The following AARS1 variants were observed in gnomAD, a reference collection of about 807,000 sequenced individuals.
AARS1 encodes alanine--tRNA ligase, cytoplasmic.
Under a neutral mutation model 108.9 loss-of-function variants are expected in AARS1, and 72 were observed. That is an observed-to-expected ratio of 0.66 (90% confidence interval 0.55 to 0.80). The LOEUF (loss-of-function observed/expected upper bound fraction) is 0.80, where lower values mean the gene tolerates loss of function less well. Among genes scored for constraint, AARS1 ranks in the 30% least tolerant of loss-of-function variants. The probability of loss-of-function intolerance (pLI) is 0.00; values close to 1 mark genes in which losing one functional copy is unlikely to be tolerated. For synonymous variants in AARS1, 489 were observed against 465.7 expected, an observed-to-expected ratio of 1.05 and a Z score of -0.64; for missense variants, 1,193 against 1,233.2, an observed-to-expected ratio of 0.97 and a Z score of 0.49.
chr16:70,282,598 A>G (rs758454444), intron 2 of AARS1, 22 bp downstream of exon 2: 1 of 1,614,000 alleles, frequency 6.2e-7, no homozygotes, highest in Non-Finnish European at 8.5e-7. Context: ...CCAAAAGCCA[A>G]GAAAAAAGGA....
In AARS1 at chr16:70,259,007, A is replaced by C; in HGVS notation, c.1965T>G (p.Ile655Met). 1 of 1,614,226 alleles carries C rather than the reference A, an allele frequency of 6.2e-7. No homozygotes were observed. The highest frequency in any genetic ancestry group is 8.5e-7 in the Non-Finnish European group (1 of 1,180,040). The change falls in exon 14 of 21, where the codon ATT (isoleucine) becomes ATG (methionine). Residue 655 changes from isoleucine to methionine, a missense_variant. Transcript: ENST00000261772. ...STQQIKKAEEIANEMIEAAKA... is the reference protein window; with the variant it reads ...STQQIKKAEEMANEMIEAAKA... ...TGGCTGCCTCAATCATCTCATTAGC[A>C]ATCTCTTCAGCCTTCTTGATCTGTT...
Position 70,261,149 on chromosome 16 carries a change from CTCTGTTT to C in AARS1, c.1673_1679del (p.Lys558SerfsTer4). 3 of 1,612,692 alleles carry C rather than the reference CTCTGTTT, an allele frequency of 1.9e-6. No homozygotes were observed. Among genetic ancestry groups the C allele is most frequent in the Non-Finnish European group, 2.5e-6 (3 of 1,178,922 alleles). On this transcript the variant is annotated frameshift_variant and splice_region_variant, in exon 13 of 21. Coordinates refer to ENST00000261772, the MANE Select transcript of AARS1 (RefSeq NM_001605.3). LOFTEE classifies it high-confidence loss of function. ...GGACCTGAGCATTCTTCACTGTAAA[CTCTGTTT>C]TCTAAGAGGGGTCAAGGAAGAGACC... is the stretch of plus-strand genomic sequence containing the variant.
chr16:70,268,487 C>T, intron 7 of AARS1, 108 bp from the exon 8 acceptor site: 1 of 865,380 alleles, frequency 1.2e-6, no homozygotes, highest in Non-Finnish European at 1.9e-6. Context: ...TTCTTTTATC[C>T]TAAGCCTGCT....
intron 1 of AARS1, among the ~76,000 whole-genome samples, chr16:70,288,864 G>C (rs1018931330): frequency 6.6e-6 from 1 of 152,116 alleles, no homozygotes; most frequent in African/African-American, 2.4e-5. Flanking sequence ...TCCGCGCCTG[G>C]CCCTGGGCTA....
intron 1 of AARS1, among the ~76,000 whole-genome samples, chr16:70,288,100 T>TTC (rs1555543556): frequency 2.2e-5 from 1 of 46,436 alleles, no homozygotes; most frequent in African/African-American, 1.0e-4. Flanking sequence ...CCCTTCTTCT[T>TTC]TTTTTTTTTT....
At position 70,262,556 on chromosome 16, in the gene AARS1, G is replaced by T. The variant is rs369170237; in HGVS notation, c.1493-32C>A. ...AAGGGAAATGCATAGAAAGGGGACA[G>T]TGGGGTCAATGACCTTTTCACTCCT... On this transcript the variant is annotated intron_variant, in intron 11 of 20. Transcript: ENST00000261772. 3 of 1,589,494 alleles carry T rather than the reference G, an allele frequency of 1.9e-6. No homozygotes were observed. In the African/African-American group the frequency reaches 4.0e-5, roughly 21 times the overall value.
rs1316227824 is a variant in AARS1, at chr16:70,269,661, C to T, written c.919G>A (p.Val307Met). 2.5e-6 allele frequency: 4 copies of T among 1,614,194 alleles called. No individual in the cohort carries two copies. The highest frequency in any genetic ancestry group is 1.7e-5 in the Admixed American group (1 of 60,022). ...VLADHARTIT[V>M]ALADGGRPDN... ...GGCCGGCCACCATCAGCCAGTGCCA[C>T]AGTGATGGTCCGAGCGTGGTCAGCC... The change falls in exon 7 of 21, where the codon GTG (valine) becomes ATG (methionine). Residue 307 changes from valine to methionine, a missense_variant. By Grantham distance (21) the Val-to-Met change is conservative (BLOSUM62 1). Coordinates refer to ENST00000261772, the MANE Select transcript of AARS1 (RefSeq NM_001605.3).
chr16:70,273,863 CAAA>C (rs71385651), intron 4 of AARS1, among the ~76,000 whole-genome samples: 1 of 54,258 alleles, frequency 1.8e-5, no homozygotes, highest in Non-Finnish European at 3.1e-5. Flanking sequence ...ACTCCGTCTC[CAAA>C]AAAAAAAAAA....
chr16:70,263,610 G>A (rs989114941), intron 11 of AARS1, among the ~76,000 whole-genome samples: 9 of 151,734 alleles, frequency 5.9e-5, no homozygotes, highest in Non-Finnish European at 1.2e-4. Flanking sequence ...GGGCAAAAAA[G>A]CTGCAAAAAC....
intron 15 of AARS1, among the ~76,000 whole-genome samples, chr16:70,257,110 G>C (rs1426410809): frequency 6.6e-6 from 1 of 152,090 alleles, no homozygotes; most frequent in Non-Finnish European, 1.5e-5. Flanking sequence ...TTAGCTGGGC[G>C]TGGTGGTGTG....
chr16:70,265,253 CTG>C lies in AARS1; in HGVS notation c.1348-153_1348-152del. On this transcript the variant is annotated intron_variant, in intron 10 of 20. Coordinates refer to ENST00000261772, the MANE Select transcript of AARS1 (RefSeq NM_001605.3). ...CTGACATTTGGGGCCAGATCATTCT[CTG>C]TTGTGGAAACTTCTCTTGCAGTGTG... is the stretch of plus-strand genomic sequence containing the variant. The C allele has an allele frequency of 4.5e-6, 5 of 1,114,928 alleles. 1 individual carries two copies. The highest frequency in any genetic ancestry group is 3.9e-5 in the South Asian group (3 of 76,072). 69.1% of individuals were successfully genotyped at this position (1,114,928 alleles called of 1,614,324 possible).
chr16:70,258,215 G>A lies in AARS1; in HGVS notation c.1995C>T (p.Ala665=), dbSNP rs754212203. The A allele has an allele frequency of 2.0e-5, 32 of 1,588,116 alleles. No homozygotes were observed. The South Asian group carries it at 2.5e-4, about 12-fold the overall frequency. Residue 665 remains alanine, a splice_region_variant and synonymous_variant, in exon 15 of 21, where the codon GCC becomes GCT. Coordinates refer to ENST00000261772, the MANE Select transcript of AARS1 (RefSeq NM_001605.3). ...CCAGGGGGCAATCCTGGGTATAGAC[G>A]GCCTGCCAGACCAAGAAGACAGAAA... ...IANEMIEAAK[A]VYTQDCPLAA...
chr16:70,271,461 G>A (rs1465342704), intron 5 of AARS1, among the ~76,000 whole-genome samples: 1 of 150,586 alleles, frequency 6.6e-6, no homozygotes, highest in Non-Finnish European at 1.5e-5. Context: ...CCAGGGCACA[G>A]ATGTTGCAGT....
Position 70,253,302 on chromosome 16 carries a change from G to A in AARS1, c.2687C>T (p.Ala896Val). ...SAMLFTVDNE[A>V]GKITCLCQVP... Reference sequence around the variant, plus strand: ...TTGACACAGGCACGTGATCTTGCCAGCCTCATTGTCCACCGTGAAGAGCAT... The same window carrying A: ...TTGACACAGGCACGTGATCTTGCCAACCTCATTGTCCACCGTGAAGAGCAT... Residue 896 changes from alanine (A) to valine (V), a missense_variant, in exon 20 of 21, where the codon GCT becomes GTT. Coordinates refer to ENST00000261772, the MANE Select transcript of AARS1 (RefSeq NM_001605.3). 6.2e-7 allele frequency: 1 copy of A among 1,614,170 alleles called. No homozygotes were observed. Among genetic ancestry groups the A allele is most frequent in the Non-Finnish European group, 8.5e-7 (1 of 1,179,972 alleles).
At position 70,254,668 on chromosome 16, in the gene AARS1, T is replaced by C. The variant is rs762170680; in HGVS notation, c.2353A>G (p.Thr785Ala). The change falls in exon 17 of 21, where the codon ACT becomes GCT. Residue 785 changes from threonine to alanine, a missense_variant. By Grantham distance (58) the Thr-to-Ala change is moderately conservative (BLOSUM62 0). Coordinates refer to ENST00000261772, the MANE Select transcript of AARS1 (RefSeq NM_001605.3). ...SVMEAKVKAQ[T>A]APNKDVQREI... The stretch of plus-strand genomic sequence containing the variant: ...CTCTGCACATCCTTGTTTGGAGCAG[T>C]CTGAGCCTTCACTTTGGCTTCCATG... 2 of 1,613,994 alleles carry C rather than the reference T, an allele frequency of 1.2e-6. No individual in the cohort carries two copies. The highest frequency in any genetic ancestry group is 2.7e-5 in the African/African-American group (2 of 74,930).
intron 2 of AARS1, among the ~76,000 whole-genome samples, chr16:70,281,847 C>CCG: frequency 6.7e-6 from 1 of 149,950 alleles, no homozygotes; most frequent in Non-Finnish European, 1.5e-5. Context: ...GTGAGACCCT[C>CCG]TCTCTAAAAA....
Position 70,252,585 on chromosome 16 carries a change from C to A in AARS1, c.*136G>T. The stretch of plus-strand genomic sequence containing the variant: ...ATTTAAGGGGCACTGAGACATAGGA[C>A]TGCTCCCAAGTGTGTTCCAGTTACT... On this transcript the variant is annotated 3_prime_UTR_variant, in exon 21 of 21. Coordinates refer to ENST00000261772, the MANE Select transcript of AARS1 (RefSeq NM_001605.3). 1 of 968,924 alleles carries A rather than the reference C, an allele frequency of 1.0e-6. No homozygotes were observed. The highest frequency in any genetic ancestry group is 1.6e-6 in the Non-Finnish European group (1 of 626,970). The allele number at this position is 968,924 out of a possible 1,614,324, so 60.0% of individuals were successfully genotyped here. A position where few individuals can be genotyped will look rare whatever the true frequency, so the allele number is the denominator to read the frequency against.
intron 11 of AARS1, 59 bp from the exon 12 acceptor site, chr16:70,262,583 C>G (rs1267400025): frequency 7.2e-6 from 11 of 1,518,232 alleles, no homozygotes; most frequent in Non-Finnish European, 9.8e-6. Flanking sequence ...TTCACTCCTT[C>G]TTGGCTGACT....
At chr16:70,259,290 C>T (rs1489237510) in intron 13 of AARS1, 104 bp from the exon 14 acceptor site, 4 of 1,198,778 alleles carry the variant, frequency 3.3e-6, no homozygotes, top group Non-Finnish European at 4.9e-6. Flanking sequence ...GGAAATATGG[C>T]TGTGCAGAAT....
Sources: gnomAD v4.1 joint callset for allele counts (sites outside exome capture counted in the v4.1 genomes callset) on GRCh38, gnomAD v4.1.1 for gene constraint, MANE v1.5 for transcripts, NCBI Gene and HGNC (gene_info 2026-07-23, HGNC 2026-07-21) for gene names.